PDE8B: variants seen among roughly 807,000 people sequenced by gnomAD.
The protein encoded by PDE8B is phosphodiesterase 8B, also known as high affinity cAMP-specific and IBMX-insensitive 3',5'-cyclic phosphodiesterase 8B.
Under a neutral mutation model 101.3 loss-of-function variants are expected in PDE8B, and 26 were observed. That is an observed-to-expected ratio of 0.26 (90% confidence interval 0.19 to 0.36). The LOEUF is 0.36. Among genes scored for constraint, PDE8B ranks in the 10% least tolerant of loss-of-function variants. The pLI is 1.00. For missense variants in PDE8B, 810 were observed against 1,163.1 expected (o/e 0.70, Z 4.42); for synonymous variants, 424 against 429.3 (o/e 0.99, Z 0.15).
the PDE8B span, among the ~76,000 whole-genome samples, chr5:77,165,959 G>A: frequency 6.9e-6 from 1 of 145,090 alleles, no homozygotes; most frequent in Non-Finnish European, 1.5e-5. Flanking sequence ...AGCTGAGATC[G>A]TGAGTGAGAC....
At chr5:77,095,790 A>G in the PDE8B span, among the ~76,000 whole-genome samples, 1 of 152,140 alleles carries the variant, frequency 6.6e-6, no homozygotes, top group African/African-American at 2.4e-5. Flanking sequence ...TGATTTTACC[A>G]TTCTTCTCCC....
chr5:77,111,797 A>G, the PDE8B span: 83 of 152,280 alleles, frequency 5.5e-4, no homozygotes, highest in African/African-American at 1.8e-3. Context: ...AATCTTTTCA[A>G]TGCTACAGTA....
chr5:77,103,941 G>A, the PDE8B span, among the ~76,000 whole-genome samples: 11 of 152,192 alleles, frequency 7.2e-5, no homozygotes, highest in Admixed American at 3.9e-4. Context: ...TTCATTGAGA[G>A]AGTCATCAAT....
chr5:77,327,193 G>A (rs555521734), intron 3 of PDE8B, among the ~76,000 whole-genome samples: 2 of 152,274 alleles, frequency 1.3e-5, no homozygotes, highest in South Asian at 4.1e-4. Flanking sequence ...TGCATTCTTT[G>A]TTGTCACCTG....
the PDE8B span, among the ~76,000 whole-genome samples, chr5:77,091,248 C>G: frequency 3.3e-5 from 5 of 152,162 alleles, no homozygotes; most frequent in Non-Finnish European, 5.9e-5. Flanking sequence ...ATAACCCTGA[C>G]GATCATTACA....
chr5:77,132,039 T>C, the PDE8B span, among the ~76,000 whole-genome samples: 556 of 152,316 alleles, frequency 3.7e-3, 2 homozygotes, highest in Admixed American at 0.01. Flanking sequence ...AAAATATTTG[T>C]ACCTAGAACA....
At chr5:77,328,036 A>G (rs1251868419) in intron 3 of PDE8B, among the ~76,000 whole-genome samples, 1 of 152,230 alleles carries the variant, frequency 6.6e-6, no homozygotes, top group African/African-American at 2.4e-5. Context: ...AGAAATGCCC[A>G]CAGCCAGAGA....
At chr5:77,279,062 T>A (rs181041891) in intron 1 of PDE8B, among the ~76,000 whole-genome samples, 50 of 152,348 alleles carry the variant, frequency 3.3e-4, no homozygotes, top group Admixed American at 1.2e-3. Flanking sequence ...TTTTGTTTCA[T>A]CTACAATTAC....
the PDE8B span, among the ~76,000 whole-genome samples, chr5:77,199,990 A>C: frequency 6.6e-6 from 1 of 152,028 alleles, no homozygotes; most frequent in Non-Finnish European, 1.5e-5. Context: ...TTAAAACATA[A>C]TGGGACTTTT....
At chr5:77,153,675 A>G in the PDE8B span, among the ~76,000 whole-genome samples, 1 of 151,256 alleles carries the variant, frequency 6.6e-6, no homozygotes, top group African/African-American at 2.4e-5. Flanking sequence ...CCCAGATTCA[A>G]GTGATTCTCC....
upstream of PDE8B, among the ~76,000 whole-genome samples, chr5:77,210,015 C>T (rs1747903567): frequency 6.6e-6 from 1 of 152,084 alleles, no homozygotes; most frequent in African/African-American, 2.4e-5. This position sits in a 1 kb window ranked among gnomAD's most constrained non-coding sequence, Gnocchi z 4.9. Context: ...GGGAAGAGGA[C>T]GGAACCATGA....
In PDE8B at chr5:77,231,247, G is replaced by A. The variant is rs116194838; in HGVS notation, c.339+19983G>A. Among the ~76,000 whole-genome samples the A allele has an allele frequency of 4.9e-3, 741 of 152,326 alleles. 6 individuals carry two copies. Among genetic ancestry groups the A allele is most frequent in the African/African-American group, 0.017 (718 of 41,568 alleles). On this transcript the variant is annotated intron_variant, in intron 1 of 21. Transcript: ENST00000264917. ...TATGAAGCCAGATACAGCAGACAGT[G>A]TGGAAATTGGAAAGACACAAAGTCA...
In PDE8B at chr5:77,375,889, C is replaced by CTTTTTTT. The variant is rs70988668; in HGVS notation, c.1167+22497_1167+22503dup. Among the ~76,000 whole-genome samples the CTTTTTTT allele has an allele frequency of 9.5e-3, 1,029 of 108,264 alleles. 18 individuals are homozygous for CTTTTTTT. Among genetic ancestry groups the CTTTTTTT allele is most frequent in the Non-Finnish European group, 0.014 (763 of 56,366 alleles). 71.0% of individuals were successfully genotyped at this position (108,264 alleles called of 152,430 possible). ...TAATACTCACTTTGTGCCTTGATTTCTTTTTTTTTTTTTTTTTTTTGAGGC... is the reference window on the plus strand; with the variant it reads ...TAATACTCACTTTGTGCCTTGATTTCTTTTTTTTTTTTTTTTTTTTTTTTTTTGAGGC... On this transcript the variant is annotated intron_variant, in intron 10 of 21. Coordinates refer to ENST00000264917, the MANE Select transcript of PDE8B (RefSeq NM_003719.5).
intron 10 of PDE8B, among the ~76,000 whole-genome samples, chr5:77,394,396 A>G (rs1253885497): frequency 6.6e-6 from 1 of 152,090 alleles, no homozygotes; most frequent in Non-Finnish European, 1.5e-5. Flanking sequence ...TATATAAACC[A>G]TTTCCATTTT....
chr5:77,423,576 C>T (rs920079271), intron 20 of PDE8B, among the ~76,000 whole-genome samples: 5 of 147,502 alleles, frequency 3.4e-5, no homozygotes, highest in African/African-American at 1.0e-4. Context: ...GATGGTATCT[C>T]ATTGTGGTTT....
At chr5:77,416,213 G>A (rs1325577093) in intron 17 of PDE8B, among the ~76,000 whole-genome samples, 1 of 152,170 alleles carries the variant, frequency 6.6e-6, no homozygotes, top group Non-Finnish European at 1.5e-5. Context: ...GTGTTAGCTG[G>A]AAGGAAAGGC....
intron 1 of PDE8B, among the ~76,000 whole-genome samples, chr5:77,227,825 A>C (rs763459561): frequency 6.6e-6 from 1 of 152,218 alleles, no homozygotes; most frequent in Non-Finnish European, 1.5e-5. Context: ...AGATTTAAGA[A>C]TACAAAGTTG....
intron 4 of PDE8B, 137 bp from the exon 5 acceptor site, chr5:77,331,265 G>T: frequency 1.3e-6 from 1 of 783,050 alleles, no homozygotes; most frequent in South Asian, 1.3e-5. Flanking sequence ...AGGCAGGTGT[G>T]CCCCGTGGGC....
the PDE8B span, chr5:77,146,777 T>C: frequency 1.3e-3 from 396 of 316,302 alleles, no homozygotes; most frequent in African/African-American, 7.1e-3. Flanking sequence ...AGGCTCGTTA[T>C]GAAAGACAGA....
Sources: gnomAD v4.1 joint callset for allele counts (sites outside exome capture counted in the v4.1 genomes callset) on GRCh38, gnomAD v4.1.1 for gene constraint, Gnocchi (gnomAD v3.1) non-coding constraint, MANE v1.5 for transcripts, NCBI Gene and HGNC (gene_info 2026-07-23, HGNC 2026-07-21) for gene names.